Variants in TUT4 observed in about 807,000 individuals in gnomAD.
TUT4 encodes terminal uridylyltransferase 4.
TUT4 carries 36 observed loss-of-function variants against 192.2 expected under a neutral mutation model. That is an observed-to-expected ratio of 0.19 (90% CI 0.14 to 0.25). TUT4 has a LOEUF of 0.25. TUT4 is among the 10% of genes least tolerant of loss of function. TUT4 has a pLI of 1.00. For synonymous variants in TUT4, 618 were observed against 666.0 expected, an observed-to-expected ratio of 0.93 and a Z score of 1.11; for missense variants, 1,493 against 1,957.2, an observed-to-expected ratio of 0.76 and a Z score of 4.47.
intron 20 of TUT4, among the ~76,000 whole-genome samples, chr1:52,448,373 A>T (rs904201870): frequency 6.6e-6 from 1 of 152,136 alleles, no homozygotes; most frequent in African/African-American, 2.4e-5. Flanking sequence ...GGATCACCTG[A>T]GGTCAGGAGT....
At chr1:52,521,857 C>G (rs985030629) in intron 2 of TUT4, among the ~76,000 whole-genome samples, 2 of 151,986 alleles carry the variant, frequency 1.3e-5, no homozygotes, top group African/African-American at 4.8e-5. Flanking sequence ...CCCAGCTACT[C>G]AGGAGGCTGA....
chr1:52,503,353 A>G (rs1042933145), intron 4 of TUT4, among the ~76,000 whole-genome samples: 3 of 152,158 alleles, frequency 2.0e-5, no homozygotes, highest in East Asian at 1.9e-4. Context: ...TAAAACTGTG[A>G]TAAGAACTTT....
rs200257019 is a variant in TUT4 at position 52,453,529 on chromosome 1, TA to T, written c.3435+4806del. On this transcript the variant is annotated intron_variant, in intron 20 of 29. Coordinates refer to ENST00000257177, the MANE Select transcript of TUT4 (RefSeq NM_001009881.3). Reference sequence around the variant, plus strand: ...ACAAAATCCAACACACATTCATGATTAAAAAAAAAAAAAACTCTATAAACTA... The same window carrying T: ...ACAAAATCCAACACACATTCATGATTAAAAAAAAAAAAACTCTATAAACTA... 5.8e-3 allele frequency among the ~76,000 whole-genome samples: 817 copies of T among 141,422 alleles called. 6 individuals carry two copies. The highest frequency in any genetic ancestry group is 0.054 in the East Asian group (265 of 4,938). 92.8% of individuals were successfully genotyped at this position (141,422 alleles called of 152,430 possible).
chr1:52,547,959 C>T (rs1688504260), intron 1 of TUT4, among the ~76,000 whole-genome samples: 1 of 151,996 alleles, frequency 6.6e-6, no homozygotes, highest in Non-Finnish European at 1.5e-5. Context: ...ATACTAAAAG[C>T]CACTGAATTG....
chr1:52,516,066 A>T lies in TUT4; in HGVS notation c.719-12T>A. The stretch of plus-strand genomic sequence containing the variant: ...ATTCTTCATTTTACCTAGAAAAGAA[A>T]GCAATCACTCAGTTATCATCAGAAC... On this transcript the variant is annotated splice_polypyrimidine_tract_variant and intron_variant, in intron 2 of 29. Coordinates refer to ENST00000257177, the MANE Select transcript of TUT4 (RefSeq NM_001009881.3). The T allele has an allele frequency of 6.2e-7, 1 of 1,609,984 alleles. No individual in the cohort carries two copies. The highest frequency in any genetic ancestry group is 2.2e-5 in the East Asian group (1 of 44,822).
intron 27 of TUT4, chr1:52,432,125 A>G (rs929613972): frequency 2.0e-5 from 3 of 152,222 alleles, no homozygotes; most frequent in African/African-American, 7.2e-5. Flanking sequence ...AAATTCATGT[A>G]TAAGTAGACT....
chr1:52,497,467 T>G (rs1372642229), intron 4 of TUT4, among the ~76,000 whole-genome samples: 1 of 152,210 alleles, frequency 6.6e-6, no homozygotes, highest in Admixed American at 6.5e-5. Context: ...AAAGCCAAGG[T>G]ACCTTAAGTA....
At chr1:52,481,990 G>T (rs989951444) in intron 9 of TUT4, 67 bp from the exon 10 acceptor site, 6 of 1,343,464 alleles carry the variant, frequency 4.5e-6, no homozygotes, top group Non-Finnish European at 5.8e-6. Context: ...AAAGTAGCTT[G>T]CTTTTTCCTA....
intron 1 of TUT4, among the ~76,000 whole-genome samples, chr1:52,546,803 C>T (rs59449688): frequency 0.06 from 9,127 of 152,154 alleles, 295 homozygotes; most frequent in South Asian, 0.085. Context: ...AGACACTCCA[C>T]AAAATGAGAC....
chr1:52,512,480 A>G (rs1035731687), intron 3 of TUT4, among the ~76,000 whole-genome samples: 1 of 152,212 alleles, frequency 6.6e-6, no homozygotes, highest in African/African-American at 2.4e-5. Context: ...GCTAGACCCA[A>G]TGACTCCAAA....
intron 4 of TUT4, among the ~76,000 whole-genome samples, chr1:52,500,471 TA>T (rs1213729967): frequency 6.6e-6 from 1 of 151,292 alleles, no homozygotes; most frequent in Non-Finnish European, 1.5e-5. Flanking sequence ...TCTACAAAAA[TA>T]AAAAATTAGG....
chr1:52,519,975 C>T (rs1475787467), intron 2 of TUT4, among the ~76,000 whole-genome samples: 3 of 151,950 alleles, frequency 2.0e-5, no homozygotes, highest in Admixed American at 6.6e-5. Context: ...GCTGAGATCA[C>T]GCCACTGCAC....
chr1:52,454,755 GACA>G (rs1246234762), intron 20 of TUT4, among the ~76,000 whole-genome samples: 2 of 152,106 alleles, frequency 1.3e-5, no homozygotes, highest in Non-Finnish European at 2.9e-5. Context: ...CTCTGCAAAA[GACA>G]ACGTCAAGGG....
At chr1:52,515,746 GAAGA>G (rs1678552548) in intron 3 of TUT4, 141 bp downstream of exon 3, 3 of 887,030 alleles carry the variant, frequency 3.4e-6, no homozygotes, top group Middle Eastern at 2.4e-4. Context: ...AGGGAAAGAA[GAAGA>G]AAGGTAGAGA....
At chr1:52,505,486 A>G (rs1280301476) in intron 4 of TUT4, among the ~76,000 whole-genome samples, 1 of 135,920 alleles carries the variant, frequency 7.4e-6, no homozygotes, top group African/African-American at 2.9e-5. Flanking sequence ...CAGTGGCGCC[A>G]TCTCAGCTCA....
chr1:52,490,822 T>G, intron 7 of TUT4, 21 bp from the exon 8 acceptor site: 1 of 1,534,880 alleles, frequency 6.5e-7, no homozygotes, highest in South Asian at 1.2e-5. Flanking sequence ...AAAAAAAAAG[T>G]AAGCTAATGT....
intron 19 of TUT4, among the ~76,000 whole-genome samples, chr1:52,460,727 T>C (rs1662320451): frequency 6.6e-6 from 1 of 152,212 alleles, no homozygotes; most frequent in Non-Finnish European, 1.5e-5. Context: ...TTCAATGTCA[T>C]AACAAGTGTT....
chr1:52,480,810 T>C (rs778592615), intron 11 of TUT4, among the ~76,000 whole-genome samples: 1 of 152,186 alleles, frequency 6.6e-6, no homozygotes, highest in Non-Finnish European at 1.5e-5. Flanking sequence ...GGAGAGAGTA[T>C]ACAGTAGTAC....
intron 4 of TUT4, among the ~76,000 whole-genome samples, chr1:52,507,565 C>T (rs1675950059): frequency 6.6e-6 from 1 of 152,082 alleles, no homozygotes; most frequent in Admixed American, 6.6e-5. Flanking sequence ...TTCAAGTTTG[C>T]TTTCTTTTTG....
Sources: gnomAD v4.1 joint callset for allele counts (sites outside exome capture counted in the v4.1 genomes callset) on GRCh38, gnomAD v4.1.1 for gene constraint, MANE v1.5 for transcripts, NCBI Gene and HGNC (gene_info 2026-07-23, HGNC 2026-07-21) for gene names.